CHEK2: variants seen among roughly 807,000 people sequenced by gnomAD.
CHEK2 encodes the protein checkpoint kinase 2, also known as serine/threonine-protein kinase Chk2.
In CHEK2, 71 loss-of-function variants were observed where a neutral mutation model predicts 69.1. The ratio of observed to expected loss-of-function variants is 1.03; its 90% CI spans 0.85 to 1.25. The LOEUF (loss-of-function observed/expected upper bound fraction) is 1.25, where lower values mean the gene tolerates loss of function less well. CHEK2 is among the 50% of genes most tolerant of loss of function. CHEK2 has a pLI of 0.00. For missense variants in CHEK2, 664 were observed against 649.6 expected (o/e 1.02, Z -0.24); for synonymous variants, 189 against 226.9 (o/e 0.83, Z 1.50).
intron 13 of CHEK2, 128 bp downstream of exon 13, chr22:28,693,904 C>T (rs1169890484): frequency 8.0e-6 from 6 of 748,106 alleles, no homozygotes; most frequent in South Asian, 6.8e-5. Flanking sequence ...CAAGATACCC[C>T]CCATACATCT....
intron 8 of CHEK2, among the ~76,000 whole-genome samples, chr22:28,702,999 C>G (rs1043019953): frequency 6.6e-6 from 1 of 152,080 alleles, no homozygotes; most frequent in African/African-American, 2.4e-5. Context: ...TTTTATTTTT[C>G]TAAGTATTTT....
chr22:28,739,594 C>A (rs1315665516), intron 1 of CHEK2, among the ~76,000 whole-genome samples: 1 of 151,886 alleles, frequency 6.6e-6, no homozygotes, highest in Non-Finnish European at 1.5e-5. Flanking sequence ...GAGGCTGAGG[C>A]AGGAGAATCT....
intron 7 of CHEK2, among the ~76,000 whole-genome samples, chr22:28,708,419 A>G (rs2145920092): frequency 7.5e-6 from 1 of 133,408 alleles, no homozygotes; most frequent in African/African-American, 2.6e-5. Context: ...GAGACTCCAA[A>G]TCTCTTGGAA....
rs1392495288 is a variant in CHEK2, at chr22:28,712,028, A to G, written c.684-11T>C. 6.3e-7 allele frequency: 1 copy of G among 1,584,160 alleles called. No individual in the cohort carries two copies. Among genetic ancestry groups the G allele is most frequent in the Non-Finnish European group, 8.7e-7 (1 of 1,152,948 alleles). On this transcript the variant is annotated splice_polypyrimidine_tract_variant and intron_variant, in intron 5 of 14. Transcript: ENST00000404276. ...TCTCCACAGGCACCACTAGAGGGAAAAACAAAGATAGTGATTGTCTGAATG... is the reference window on the plus strand; with the variant it reads ...TCTCCACAGGCACCACTAGAGGGAAGAACAAAGATAGTGATTGTCTGAATG...
At chr22:28,727,753 G>A (rs917706806) in intron 2 of CHEK2, among the ~76,000 whole-genome samples, 4 of 152,160 alleles carry the variant, frequency 2.6e-5, no homozygotes, top group African/African-American at 9.7e-5. Flanking sequence ...CATATGAAAG[G>A]TGGCCAAGCT....
intron 4 of CHEK2, among the ~76,000 whole-genome samples, chr22:28,721,023 G>C (rs1312167077): frequency 2.0e-5 from 3 of 152,198 alleles, no homozygotes; most frequent in African/African-American, 7.2e-5. Context: ...TGGGACTATA[G>C]ACTCACTGTG....
At position 28,741,228 on chromosome 22, in the gene CHEK2, T is replaced by A. The variant is rs146028137; in HGVS notation, c.-7+541A>T. On this transcript the variant is annotated intron_variant, in intron 1 of 14. Transcript: ENST00000404276. Reference sequence around the variant, plus strand: ...TATATCAAAAATAAATAATTTTTTTTAAAAATTCCAGAGGTCTTTCAAGTG... The same window carrying A: ...TATATCAAAAATAAATAATTTTTTTAAAAAATTCCAGAGGTCTTTCAAGTG... Among the ~76,000 whole-genome samples, 366 of 151,900 alleles carry A rather than the reference T, an allele frequency of 2.4e-3. 3 individuals are homozygous for A. Among genetic ancestry groups the A allele is most frequent in the East Asian group, 6.8e-3 (35 of 5,158 alleles).
Position 28,705,723 on chromosome 22 carries a change from C to G in CHEK2, c.847-2157G>C, listed in dbSNP as rs184370386. Among the ~76,000 whole-genome samples the G allele has an allele frequency of 5.3e-5, 8 of 151,692 alleles. No homozygotes were observed. The East Asian group carries it at 1.4e-3, about 26-fold the overall frequency. On this transcript the variant is annotated intron_variant, in intron 7 of 14. Transcript: ENST00000404276. Reference sequence around the variant, plus strand: ...AGTGGATCACCTGAGGTCAGGAGTTCGTGACCAGCCTGACTAACATGGTGA... The same window carrying G: ...AGTGGATCACCTGAGGTCAGGAGTTGGTGACCAGCCTGACTAACATGGTGA...
chr22:28,699,866 T>A lies in CHEK2; in HGVS notation c.980A>T (p.Tyr327Phe), dbSNP rs587780194. 6.2e-7 allele frequency: 1 copy of A among 1,613,952 alleles called. No homozygotes were observed. The highest frequency in any genetic ancestry group is 8.5e-7 in the Non-Finnish European group (1 of 1,179,888). The change falls in exon 9 of 15, where the codon TAT becomes TTT. Residue 327 changes from tyrosine (Y) to phenylalanine (F), a missense_variant. By Grantham distance (22) the Tyr-to-Phe change is conservative. Coordinates refer to ENST00000404276, the MANE Select transcript of CHEK2 (RefSeq NM_007194.4). Reference sequence around the variant, plus strand: ...CACAGCCAAGAGCATCTGGTAAAAATAGAGCTTGCAGGTAGCTTCTTTCAG... The same window carrying A: ...CACAGCCAAGAGCATCTGGTAAAAAAAGAGCTTGCAGGTAGCTTCTTTCAG... ...KRLKEATCKL[Y>F]FYQMLLAVQY...
chr22:28,700,847 T>C (rs1245240079), intron 8 of CHEK2, among the ~76,000 whole-genome samples: 1 of 152,138 alleles, frequency 6.6e-6, no homozygotes, highest in Non-Finnish European at 1.5e-5. Context: ...TGGAATGCAA[T>C]GGCGCAATCT....
chr22:28,720,437 G>A (rs1569151464), intron 4 of CHEK2, among the ~76,000 whole-genome samples: 2 of 151,456 alleles, frequency 1.3e-5, no homozygotes, highest in Admixed American at 1.3e-4. Flanking sequence ...CTATAACCCA[G>A]GACAGTGCTG....
chr22:28,693,962 C>CTGTCTCA, intron 13 of CHEK2, 70 bp downstream of exon 13: 1 of 959,712 alleles, frequency 1.0e-6, no homozygotes, highest in Non-Finnish European at 1.7e-6. Flanking sequence ...TTTCTGTCCT[C>CTGTCTCA]TGTCTCATGT....
chr22:28,693,503 C>G (rs1357466498), intron 13 of CHEK2, among the ~76,000 whole-genome samples: 2 of 152,136 alleles, frequency 1.3e-5, no homozygotes, highest in Non-Finnish European at 2.9e-5. Flanking sequence ...GAATGCACCC[C>G]ACCTATGAAG....
intron 2 of CHEK2, among the ~76,000 whole-genome samples, chr22:28,730,023 T>C (rs983509272): frequency 1.3e-5 from 2 of 151,046 alleles, no homozygotes; most frequent in African/African-American, 4.9e-5. Context: ...TTTTGTATTT[T>C]TAGTAGAGAC....
intron 10 of CHEK2, 28 bp from the exon 11 acceptor site, chr22:28,695,901 G>A (rs778183112): frequency 1.3e-6 from 2 of 1,577,388 alleles, no homozygotes; most frequent in East Asian, 4.5e-5. Flanking sequence ...AGGGAATAAT[G>A]TTGAACTTGC....
chr22:28,739,633 G>A (rs948950279), intron 1 of CHEK2, among the ~76,000 whole-genome samples: 9 of 152,028 alleles, frequency 5.9e-5, no homozygotes, highest in Non-Finnish European at 1.2e-4. Context: ...AGGAGGCAGT[G>A]AGCCAAAATC....
chr22:28,699,806 C>T (rs1473392228), intron 9 of CHEK2, 32 bp downstream of exon 9: 1 of 1,418,646 alleles, frequency 7.0e-7, no homozygotes, highest in Non-Finnish European at 1.0e-6. Context: ...AAAAGAAAGG[C>T]AGCTGTCAAA....
At chr22:28,698,128 T>G (rs1437732688) in intron 9 of CHEK2, among the ~76,000 whole-genome samples, 1 of 150,266 alleles carries the variant, frequency 6.7e-6, no homozygotes, top group African/African-American at 2.4e-5. Context: ...CGGTGGCTCA[T>G]GCCTGTAATC....
chr22:28,711,420 A>G (rs2053385924), intron 6 of CHEK2, among the ~76,000 whole-genome samples: 2 of 152,144 alleles, frequency 1.3e-5, no homozygotes, highest in African/African-American at 4.8e-5. Context: ...ATCAAAAAGG[A>G]TGTATTAGGC....
Sources: allele counts gnomAD v4.1 joint callset (sites outside exome capture counted in the v4.1 genomes callset), GRCh38; gene constraint gnomAD v4.1.1; transcripts MANE v1.5; gene names NCBI Gene and HGNC (gene_info 2026-07-23, HGNC 2026-07-21).